Variants in PDZD2 observed in about 807,000 individuals in gnomAD.
PDZD2 encodes PDZ domain-containing protein 2.
Under a neutral mutation model 220.7 loss-of-function variants are expected in PDZD2, and 90 were observed. The ratio of observed to expected loss-of-function variants is 0.41; its 90% CI spans 0.34 to 0.49. The LOEUF (loss-of-function observed/expected upper bound fraction) is 0.49. PDZD2 is among the 20% of genes least tolerant of loss of function. The pLI, the probability that PDZD2 is intolerant of heterozygous loss-of-function variation, is 0.28. For missense variants in PDZD2, 3,174 were observed against 3,608.5 expected (o/e 0.88, Z 3.08); for synonymous variants, 1,375 against 1,450.5 (o/e 0.95, Z 1.18).
intron 1 of PDZD2, among the ~76,000 whole-genome samples, chr5:31,705,617 G>T (rs1364757513): frequency 6.6e-6 from 1 of 152,120 alleles, no homozygotes; most frequent in Admixed American, 6.5e-5. Flanking sequence ...TTATAGATTT[G>T]TATAATAAAA....
chr5:32,035,341 A>G (rs1581334955), intron 6 of PDZD2, among the ~76,000 whole-genome samples: 1 of 151,916 alleles, frequency 6.6e-6, no homozygotes. Context: ...GCTCACTGCA[A>G]CCTGCGCCTC....
At position 31,922,900 on chromosome 5, in the gene PDZD2, G is replaced by A. The variant is rs548575332; in HGVS notation, c.477-60255G>A. Among the ~76,000 whole-genome samples the A allele has an allele frequency of 9.9e-5, 14 of 141,198 alleles. No individual in the cohort carries two copies. The South Asian group carries it at 3.3e-3, about 33-fold the overall frequency. The allele number at this position is 141,198 out of a possible 152,430, so 92.6% of individuals were successfully genotyped here. ...TTACCATGTTGGCCAGGCTGGTCTT[G>A]AACTCCTGACCTCTAGCAATCCACC... is the stretch of plus-strand genomic sequence containing the variant. On this transcript the variant is annotated intron_variant, in intron 2 of 24. Coordinates refer to ENST00000438447, the MANE Select transcript of PDZD2 (RefSeq NM_178140.4).
In PDZD2 at chr5:32,087,713, G is replaced by A. The variant is rs1262974993; in HGVS notation, c.4265G>A (p.Ser1422Asn). The A allele has an allele frequency of 6.2e-7, 1 of 1,614,016 alleles. No homozygotes were observed. Among genetic ancestry groups the A allele is most frequent in the Non-Finnish European group, 8.5e-7 (1 of 1,179,918 alleles). The change falls in exon 20 of 25, where the codon AGC becomes AAC. Residue 1422 changes from serine to asparagine, a missense_variant. This residue lies in a region of PDZD2 where 1,861 missense variants were observed against 2,001.0 expected (regional missense o/e 0.93). Transcript: ENST00000438447. This position sits in a 1 kb window ranked among gnomAD's most constrained non-coding sequence, Gnocchi z 4.0. ...TGCTGCCCAGGGGGGAGTAGAGAGA[G>A]CCCTGTGACGGACATTGACAGCTTC... ...GHCCPGGSRESPVTDIDSFIK... is the reference protein window; with the variant it reads ...GHCCPGGSRENPVTDIDSFIK...
At chr5:31,864,973 C>T (rs1190275339) in intron 2 of PDZD2, among the ~76,000 whole-genome samples, 1 of 151,050 alleles carries the variant, frequency 6.6e-6, no homozygotes, top group Non-Finnish European at 1.5e-5. Flanking sequence ...CTCAGCCCCC[C>T]GAGTAGCTGG....
At chr5:31,902,003 T>C (rs1742147789) in intron 2 of PDZD2, among the ~76,000 whole-genome samples, 1 of 152,214 alleles carries the variant, frequency 6.6e-6, no homozygotes, top group African/African-American at 2.4e-5. Context: ...GATATTGGGG[T>C]TGTTTTCACA....
intron 2 of PDZD2, among the ~76,000 whole-genome samples, chr5:31,871,539 C>T (rs1738793320): frequency 6.6e-6 from 1 of 152,088 alleles, no homozygotes; most frequent in Middle Eastern, 3.2e-3. Flanking sequence ...GCAACGTCCG[C>T]CTCCTGGGTC....
intron 1 of PDZD2, among the ~76,000 whole-genome samples, chr5:31,671,043 C>G (rs1037116307): frequency 2.6e-5 from 4 of 151,994 alleles, no homozygotes; most frequent in African/African-American, 9.7e-5. Flanking sequence ...TGAGAGCACC[C>G]CCAGGGAGAG....
intron 6 of PDZD2, among the ~76,000 whole-genome samples, chr5:32,028,372 A>G (rs73751770): frequency 0.03 from 4,610 of 152,250 alleles, 225 homozygotes; most frequent in African/African-American, 0.11. Flanking sequence ...CCACCCCTAG[A>G]AGACGAAATT....
intron 2 of PDZD2, among the ~76,000 whole-genome samples, chr5:31,904,728 G>A (rs933069029): frequency 6.6e-6 from 1 of 152,048 alleles, no homozygotes; most frequent in African/African-American, 2.4e-5. Flanking sequence ...TTACAGGCAT[G>A]AGCCACTGCG....
chr5:31,891,614 C>T (rs537549764), intron 2 of PDZD2, among the ~76,000 whole-genome samples: 6 of 151,522 alleles, frequency 4.0e-5, no homozygotes, highest in East Asian at 2.0e-4. Flanking sequence ...CATGCCCGGC[C>T]GGTTTTTCCA....
At chr5:31,932,739 C>G (rs1745404390) in intron 2 of PDZD2, among the ~76,000 whole-genome samples, 1 of 152,174 alleles carries the variant, frequency 6.6e-6, no homozygotes, top group Non-Finnish European at 1.5e-5. Flanking sequence ...AACTGAAACT[C>G]TGGATCCATT....
chr5:31,886,041 A>G (rs1740437520), intron 2 of PDZD2, among the ~76,000 whole-genome samples: 1 of 151,964 alleles, frequency 6.6e-6, no homozygotes, highest in East Asian at 1.9e-4. Flanking sequence ...CTGGGATTAC[A>G]GGCACCCACC....
intron 1 of PDZD2, among the ~76,000 whole-genome samples, chr5:31,694,402 C>CAAACAAACA (rs143583191): frequency 2.0e-5 from 3 of 151,510 alleles, no homozygotes; most frequent in African/African-American, 7.3e-5. Context: ...AAAAAACAAA[C>CAAACAAACA]AAAAAAACAA....
chr5:31,855,615 C>A (rs1435397789), intron 2 of PDZD2, among the ~76,000 whole-genome samples: 1 of 152,218 alleles, frequency 6.6e-6, no homozygotes, highest in East Asian at 1.9e-4. Flanking sequence ...CCCTCGCTAG[C>A]AGCAGAATGA....
chr5:31,727,529 T>G (rs1022820482), intron 1 of PDZD2, among the ~76,000 whole-genome samples: 1 of 146,070 alleles, frequency 6.8e-6, no homozygotes, highest in Non-Finnish European at 1.5e-5. Context: ...TGAAACCATG[T>G]CTCTACTAAA....
chr5:31,988,027 C>G (rs1277572822), intron 3 of PDZD2, among the ~76,000 whole-genome samples: 1 of 152,216 alleles, frequency 6.6e-6, no homozygotes, highest in Non-Finnish European at 1.5e-5. Context: ...ATTTTGCCCC[C>G]TGGGCTGTCA....
intron 2 of PDZD2, among the ~76,000 whole-genome samples, chr5:31,805,955 C>A (rs755026830): frequency 1.1e-4 from 16 of 152,174 alleles, no homozygotes; most frequent in Non-Finnish European, 1.8e-4. Context: ...CAAACCCTTT[C>A]CTAGCCTCTC....
chr5:31,957,408 C>T (rs1018190234), intron 2 of PDZD2, among the ~76,000 whole-genome samples: 4 of 152,144 alleles, frequency 2.6e-5, no homozygotes, highest in East Asian at 1.9e-4. Flanking sequence ...TGGGGTGTTA[C>T]GGGGCTGACC....
intron 2 of PDZD2, among the ~76,000 whole-genome samples, chr5:31,899,644 C>T (rs1045264616): frequency 3.3e-5 from 5 of 152,170 alleles, no homozygotes; most frequent in Non-Finnish European, 5.9e-5. Flanking sequence ...TTACTATGAT[C>T]GAATGTTTAT....
Sources: allele counts gnomAD v4.1 joint callset (sites outside exome capture counted in the v4.1 genomes callset), GRCh38; gene constraint gnomAD v4.1.1; regional missense constraint gnomAD v4.1.1; non-coding constraint Gnocchi (gnomAD v3.1); transcripts MANE v1.5; gene names NCBI Gene and HGNC (gene_info 2026-07-23, HGNC 2026-07-21).